Variants in KIAA1958 observed in about 807,000 individuals in gnomAD.
KIAA1958 encodes the protein uncharacterized protein KIAA1958.
KIAA1958 carries 14 observed loss-of-function variants against 47.2 expected under a neutral mutation model. The observed-to-expected ratio is 0.30, with a 90% confidence interval of 0.20 to 0.46. The LOEUF (loss-of-function observed/expected upper bound fraction) is 0.46. Ranked by LOEUF, KIAA1958 falls within the 20% of genes least tolerant of loss-of-function variation. The pLI is 1.00. For synonymous variants in KIAA1958, 354 were observed against 353.3 expected (o/e 1.00, Z -0.02); for missense variants, 803 against 909.2 (o/e 0.88, Z 1.50).
At chr9:112,501,584 C>T (rs1203450992) in intron 1 of KIAA1958, among the ~76,000 whole-genome samples, 1 of 152,174 alleles carries the variant, frequency 6.6e-6, no homozygotes, top group Non-Finnish European at 1.5e-5. Context: ...TCTTCCCTTT[C>T]AGATTTAAAA....
intron 1 of KIAA1958, among the ~76,000 whole-genome samples, chr9:112,563,899 T>A (rs1564173716): frequency 6.6e-6 from 1 of 152,162 alleles, no homozygotes; most frequent in Non-Finnish European, 1.5e-5. Context: ...GGGAATTCCC[T>A]ACCATTATTA....
chr9:112,572,596 G>A lies in KIAA1958; in HGVS notation c.-24-1461G>A, dbSNP rs564155189. On this transcript the variant is annotated intron_variant, in intron 1 of 3. Transcript: ENST00000337530. ...GCTAAATAAATCTCTGAGGCAGAAA[G>A]GGGGTCTGGAAAGATGCCAATAGGA... is the stretch of plus-strand genomic sequence containing the variant. Among the ~76,000 whole-genome samples the A allele has an allele frequency of 2.6e-5, 4 of 152,304 alleles. No homozygotes were observed. The East Asian group carries it at 7.7e-4, about 29-fold the overall frequency.
chr9:112,493,279 C>T (rs1834001334), intron 1 of KIAA1958, among the ~76,000 whole-genome samples: 1 of 151,980 alleles, frequency 6.6e-6, no homozygotes. Context: ...GGCTTTTCTC[C>T]TGAAATCCAC....
In KIAA1958 at chr9:112,507,266, G is replaced by C. The variant is rs147525265; in HGVS notation, c.-25+20148G>C. Among the ~76,000 whole-genome samples the C allele has an allele frequency of 3.3e-3, 496 of 152,254 alleles. 13 individuals are homozygous for C. Among genetic ancestry groups the C allele is most frequent in the Admixed American group, 0.03 (451 of 15,286 alleles). ...TATCCTTTGCTAGTCACTCTTTTCA[G>C]GGCTTAGGTTGATATATCATATGCA... On this transcript the variant is annotated intron_variant, in intron 1 of 3. Transcript: ENST00000337530.
At chr9:112,594,435 C>G (rs2798312) in intron 2 of KIAA1958, among the ~76,000 whole-genome samples, 3 of 152,072 alleles carry the variant, frequency 2.0e-5, no homozygotes, top group Non-Finnish European at 4.4e-5. Context: ...CCTGGGACCC[C>G]CTAGTCTATG....
In KIAA1958 at chr9:112,618,845, G is replaced by C; in HGVS notation, c.1172-26805G>C. The C allele has an allele frequency of 1.3e-6, 2 of 1,550,362 alleles. No individual in the cohort carries two copies. The highest frequency in any genetic ancestry group is 1.7e-6 in the Non-Finnish European group (2 of 1,146,762). On this transcript the variant is annotated intron_variant, in intron 2 of 3. Coordinates refer to ENST00000337530, the MANE Select transcript of KIAA1958 (RefSeq NM_133465.4). This position sits in a 1 kb window ranked among gnomAD's most constrained non-coding sequence, Gnocchi z 7.1. ...TCTGAGCCAGCAGGCTGCCCAGTCA[G>C]TGGCCGGCCACTCCAACAATGGCAA...
intron 2 of KIAA1958, among the ~76,000 whole-genome samples, chr9:112,589,453 A>G (rs1835882346): frequency 1.3e-5 from 2 of 152,266 alleles, no homozygotes; most frequent in South Asian, 4.1e-4. Flanking sequence ...TTAGCTGGGC[A>G]TGGTGGCATG....
rs1476938131 is a variant in KIAA1958, at chr9:112,486,855, G to T, written c.-288G>T. The T allele has an allele frequency of 2.4e-5, 3 of 126,656 alleles. No individual in the cohort carries two copies. Among genetic ancestry groups the T allele is most frequent in the East Asian group, 2.5e-4 (1 of 4,072 alleles). The allele number at this position is 126,656 out of a possible 1,614,324, so 7.8% of individuals were successfully genotyped here. On this transcript the variant is annotated 5_prime_UTR_variant, in exon 1 of 4. Coordinates refer to ENST00000337530, the MANE Select transcript of KIAA1958 (RefSeq NM_133465.4). ...CTGCCCGCCCGCCGCGCTCCGAGCC[G>T]GGCGCGCGGAGCTCGGGGCGCACGG...
rs760604034 is a variant in KIAA1958 at position 112,574,996 on chromosome 9, G to T, written c.916G>T (p.Val306Leu). 1.2e-6 allele frequency: 2 copies of T among 1,614,182 alleles called. No homozygotes were observed. The highest frequency in any genetic ancestry group is 3.3e-5 in the Admixed American group (2 of 60,018). Residue 306 changes from valine to leucine, a missense_variant, in exon 2 of 4, where the codon GTG (valine) becomes TTG (leucine). Around this residue, in one of 2 missense-constraint regions of KIAA1958, gnomAD observed 761 missense variants for 829.3 expected, o/e 0.92. Coordinates refer to ENST00000337530, the MANE Select transcript of KIAA1958 (RefSeq NM_133465.4). ...PPGTHGTNQQ[V>L]AMQMPVSTSH... Reference sequence around the variant, plus strand: ...TGGTACACATGGCACCAACCAACAGGTGGCCATGCAAATGCCTGTGAGCAC... The same window carrying T: ...TGGTACACATGGCACCAACCAACAGTTGGCCATGCAAATGCCTGTGAGCAC...
At chr9:112,651,043 A>G (rs1343385731) in intron 3 of KIAA1958, among the ~76,000 whole-genome samples, 1 of 152,206 alleles carries the variant, frequency 6.6e-6, no homozygotes, top group Non-Finnish European at 1.5e-5. Flanking sequence ...GCAAAAGATG[A>G]TAAAACTTAA....
chr9:112,658,918 G>A (rs1457649229), intron 3 of KIAA1958, among the ~76,000 whole-genome samples: 1 of 151,062 alleles, frequency 6.6e-6, no homozygotes, highest in Admixed American at 6.6e-5. Flanking sequence ...TACTCGGAAG[G>A]CTGAGGCAGG....
intron 1 of KIAA1958, among the ~76,000 whole-genome samples, chr9:112,517,761 A>T (rs756978321): frequency 6.6e-6 from 1 of 152,224 alleles, no homozygotes; most frequent in Non-Finnish European, 1.5e-5. Context: ...GAGCCAAGAT[A>T]AAAAAGATGG....
At chr9:112,612,034 G>A (rs1242293632) in intron 2 of KIAA1958, among the ~76,000 whole-genome samples, 1 of 65,024 alleles carries the variant, frequency 1.5e-5, no homozygotes, top group African/African-American at 7.4e-5. Context: ...TTGACAAAGG[G>A]TTAAATATAT....
chr9:112,625,974 G>A (rs571641911), intron 2 of KIAA1958, among the ~76,000 whole-genome samples: 4 of 152,220 alleles, frequency 2.6e-5, no homozygotes, highest in Non-Finnish European at 4.4e-5. Context: ...CTTGGATATC[G>A]AGCTACATAG....
intron 1 of KIAA1958, among the ~76,000 whole-genome samples, chr9:112,526,445 G>A (rs1309236841): frequency 2.0e-5 from 3 of 151,464 alleles, no homozygotes; most frequent in Admixed American, 6.6e-5. Context: ...GTGGAGATGG[G>A]GCTTTGGCCA....
At chr9:112,535,526 G>T (rs1295831115) in intron 1 of KIAA1958, among the ~76,000 whole-genome samples, 1 of 152,022 alleles carries the variant, frequency 6.6e-6, no homozygotes, top group African/African-American at 2.4e-5. Flanking sequence ...GGCTGTTGTG[G>T]ATAATGCTGC....
intron 1 of KIAA1958, among the ~76,000 whole-genome samples, chr9:112,522,619 T>C (rs768083556): frequency 1.3e-5 from 2 of 152,324 alleles, no homozygotes; most frequent in South Asian, 4.1e-4. Context: ...TCTCATTGCT[T>C]GCTTTGACCT....
At chr9:112,536,925 A>G (rs1834864461) in intron 1 of KIAA1958, among the ~76,000 whole-genome samples, 2 of 152,094 alleles carry the variant, frequency 1.3e-5, no homozygotes, top group Middle Eastern at 3.4e-3. Flanking sequence ...GCAGGAACAA[A>G]TATCTCAAAT....
chr9:112,522,215 C>T (rs1378800218), intron 1 of KIAA1958, among the ~76,000 whole-genome samples: 2 of 152,244 alleles, frequency 1.3e-5, no homozygotes, highest in Non-Finnish European at 2.9e-5. Context: ...AGGTGATTCA[C>T]CCGCCTCGGC....
Sources: gnomAD v4.1 joint callset for allele counts (sites outside exome capture counted in the v4.1 genomes callset) on GRCh38, gnomAD v4.1.1 for gene constraint, gnomAD v4.1.1 regional missense constraint, Gnocchi (gnomAD v3.1) non-coding constraint, MANE v1.5 for transcripts, NCBI Gene and HGNC (gene_info 2026-07-23, HGNC 2026-07-21) for gene names.